LRRC7: variants seen among roughly 807,000 people sequenced by gnomAD.
LRRC7 encodes the protein leucine-rich repeat-containing protein 7.
Under a neutral mutation model 175.7 loss-of-function variants are expected in LRRC7, and 23 were observed. The ratio of observed to expected loss-of-function variants is 0.13; its 90% CI spans 0.09 to 0.19. The LOEUF (loss-of-function observed/expected upper bound fraction) is 0.19. Among genes scored for constraint, LRRC7 ranks in the 10% least tolerant of loss-of-function variants. The probability of loss-of-function intolerance (pLI) is 1.00; values close to 1 mark genes in which losing one functional copy is unlikely to be tolerated. For missense variants in LRRC7, 1,354 were observed against 1,904.7 expected (o/e 0.71, Z 5.38); for synonymous variants, 685 against 680.9 (o/e 1.01, Z -0.09).
chr1:69,931,699 G>T, intron 8 of LRRC7, 129 bp downstream of exon 8: 2 of 742,386 alleles, frequency 2.7e-6, no homozygotes, highest in Admixed American at 2.6e-5. Context: ...GTAAAAACCT[G>T]GAAGTTAATA....
intron 23 of LRRC7, among the ~76,000 whole-genome samples, chr1:70,069,475 A>C (rs2102109696): frequency 6.6e-6 from 1 of 152,244 alleles, no homozygotes; most frequent in African/African-American, 2.4e-5. Flanking sequence ...ATTCAAGATG[A>C]GATTTTGGGT....
intron 8 of LRRC7, among the ~76,000 whole-genome samples, chr1:69,956,655 A>G (rs1650519346): frequency 6.6e-6 from 1 of 151,738 alleles, no homozygotes; most frequent in Admixed American, 6.6e-5. Flanking sequence ...CTAACCTGAT[A>G]CCTAATTGAA....
intron 1 of LRRC7, among the ~76,000 whole-genome samples, chr1:69,658,379 A>G (rs1319426949): frequency 6.6e-6 from 1 of 152,058 alleles, no homozygotes; most frequent in African/African-American, 2.4e-5. Context: ...GTACCTTTCC[A>G]TAAAATCAAC....
In LRRC7 at chr1:69,950,008, C is replaced by T. The variant is rs188663711; in HGVS notation, c.711+18438C>T. On this transcript the variant is annotated intron_variant, in intron 8 of 26. Transcript: ENST00000651989. ...TTTTTTTTCCTTTTCTGTCCACTAG[C>T]AGCAGCATTTTTTTTCTTTCACTTG... 3.0e-3 allele frequency among the ~76,000 whole-genome samples: 452 copies of T among 150,420 alleles called. 1 individual carries two copies. Among genetic ancestry groups the T allele is most frequent in the African/African-American group, 0.011 (434 of 40,080 alleles).
At chr1:69,831,334 G>A (rs1480422672) in intron 5 of LRRC7, among the ~76,000 whole-genome samples, 1 of 151,912 alleles carries the variant, frequency 6.6e-6, no homozygotes, top group African/African-American at 2.4e-5. Context: ...TAACATCTGT[G>A]CCATTCTCAT....
intron 8 of LRRC7, among the ~76,000 whole-genome samples, chr1:69,961,439 A>G (rs1462095613): frequency 2.6e-5 from 4 of 152,188 alleles, no homozygotes; most frequent in African/African-American, 9.6e-5. Context: ...TGCTCTTCCC[A>G]TTAAACTACC....
intron 23 of LRRC7, among the ~76,000 whole-genome samples, chr1:70,064,285 G>A (rs991177574): frequency 6.6e-6 from 1 of 151,918 alleles, no homozygotes; most frequent in Non-Finnish European, 1.5e-5. Flanking sequence ...AGGATGAAAA[G>A]GTTCAGCTTA....
intron 1 of LRRC7, among the ~76,000 whole-genome samples, chr1:69,641,336 G>A: frequency 6.6e-6 from 1 of 151,414 alleles, no homozygotes; most frequent in East Asian, 1.9e-4. Flanking sequence ...CTTTAAGTTT[G>A]TCTTCTATTT....
chr1:70,045,720 G>T (rs1660275010), intron 22 of LRRC7, among the ~76,000 whole-genome samples: 1 of 152,126 alleles, frequency 6.6e-6, no homozygotes, highest in South Asian at 2.1e-4. Flanking sequence ...AAGGAAACAG[G>T]TTTAATTGAC....
intron 3 of LRRC7, among the ~76,000 whole-genome samples, chr1:69,773,035 T>C (rs925931595): frequency 1.3e-5 from 2 of 152,172 alleles, no homozygotes; most frequent in Non-Finnish European, 2.9e-5. Context: ...ATGGTGAATA[T>C]AAACATCTCT....
Position 69,568,172 on chromosome 1 carries a change from G to C in LRRC7, c.-468G>C, listed in dbSNP as rs564354462. The stretch of plus-strand genomic sequence containing the variant: ...ACAGGCGCGGCAACGGGCAGGGGTT[G>C]TTACGGAGTTGGGTGCAGGATTCGC... On this transcript the variant is annotated 5_prime_UTR_variant, in exon 1 of 27. Coordinates refer to ENST00000651989, the MANE Select transcript of LRRC7 (RefSeq NM_001370785.2). Among the ~76,000 whole-genome samples the C allele has an allele frequency of 3.2e-4, 49 of 152,228 alleles. No homozygotes were observed. Among genetic ancestry groups the C allele is most frequent in the African/African-American group, 1.2e-3 (49 of 41,556 alleles).
chr1:69,757,823 A>G (rs184727454), intron 2 of LRRC7, among the ~76,000 whole-genome samples: 63 of 151,858 alleles, frequency 4.1e-4, no homozygotes, highest in Non-Finnish European at 5.7e-4. Flanking sequence ...TGTGCCGTGG[A>G]TCAGCTCTAT....
chr1:70,034,340 A>G (rs902624585), intron 18 of LRRC7, among the ~76,000 whole-genome samples: 4 of 151,796 alleles, frequency 2.6e-5, no homozygotes, highest in Admixed American at 2.6e-4. Flanking sequence ...ATCAATCAAA[A>G]TAAAGAAAAT....
At chr1:69,808,910 A>G (rs1201607713) in intron 4 of LRRC7, among the ~76,000 whole-genome samples, 1 of 152,152 alleles carries the variant, frequency 6.6e-6, no homozygotes, top group Non-Finnish European at 1.5e-5. Context: ...ACAAATTCAA[A>G]AGAAATAACT....
chr1:70,138,895 A>G lies in LRRC7; in HGVS notation c.*17008A>G, dbSNP rs944181101. Reference sequence around the variant, plus strand: ...TACCTGATTTTAAAGAGACCATATTAGAAATGAAAAGCAGCAGTCTCTATC... The same window carrying G: ...TACCTGATTTTAAAGAGACCATATTGGAAATGAAAAGCAGCAGTCTCTATC... On this transcript the variant is annotated 3_prime_UTR_variant, in exon 27 of 27. Transcript: ENST00000651989. 3.9e-5 allele frequency: 6 copies of G among 152,228 alleles called. No individual in the cohort carries two copies. The highest frequency in any genetic ancestry group is 1.4e-4 in the African/African-American group (6 of 41,468). The allele number at this position is 152,228 out of a possible 1,614,324, so 9.4% of individuals were successfully genotyped here. A position where few individuals can be genotyped will look rare whatever the true frequency, so the allele number is the denominator to read the frequency against.
Position 69,625,636 on chromosome 1 carries a change from T to C in LRRC7, c.3-52745T>C, listed in dbSNP as rs558904425. On this transcript the variant is annotated intron_variant, in intron 1 of 26. Coordinates refer to ENST00000651989, the MANE Select transcript of LRRC7 (RefSeq NM_001370785.2). ...TATAAACACCTCACAAGTTTGGCTA[T>C]AAATAGATTTTAGCTATAAACAAAT... 3.9e-5 allele frequency among the ~76,000 whole-genome samples: 6 copies of C among 152,202 alleles called. No homozygotes were observed. In the South Asian group the frequency reaches 1.0e-3, roughly 26 times the overall value.
chr1:69,932,480 TAATA>T (rs1647487108), intron 8 of LRRC7, among the ~76,000 whole-genome samples: 1 of 152,152 alleles, frequency 6.6e-6, no homozygotes, highest in East Asian at 1.9e-4. Context: ...AAATTTATTC[TAATA>T]AATGCCAGTG....
At position 69,792,168 on chromosome 1, in the gene LRRC7, T is replaced by C. The variant is rs1455318816; in HGVS notation, c.421+8T>C. ...TCGACATCAGTAAAAATGGTAAGATTTTTCTCTCATCATAAAATACCTAGA... is the reference window on the plus strand; with the variant it reads ...TCGACATCAGTAAAAATGGTAAGATCTTTCTCTCATCATAAAATACCTAGA... On this transcript the variant is annotated splice_region_variant and intron_variant, in intron 4 of 26. Coordinates refer to ENST00000651989, the MANE Select transcript of LRRC7 (RefSeq NM_001370785.2). 6.8e-7 allele frequency: 1 copy of C among 1,466,360 alleles called. No individual in the cohort carries two copies. Among genetic ancestry groups the C allele is most frequent in the African/African-American group, 1.4e-5 (1 of 71,072 alleles). The allele number at this position is 1,466,360 out of a possible 1,614,324, so 90.8% of individuals were successfully genotyped here.
intron 1 of LRRC7, among the ~76,000 whole-genome samples, chr1:69,593,862 G>C (rs1646735439): frequency 6.6e-6 from 1 of 152,146 alleles, no homozygotes; most frequent in Non-Finnish European, 1.5e-5. Flanking sequence ...GGAAGCAGAG[G>C]CTGGGAACTT....
Sources: gnomAD v4.1 joint callset for allele counts (sites outside exome capture counted in the v4.1 genomes callset) on GRCh38, gnomAD v4.1.1 for gene constraint, MANE v1.5 for transcripts, NCBI Gene and HGNC (gene_info 2026-07-23, HGNC 2026-07-21) for gene names.